UGT1A5: variants seen among roughly 807,000 people sequenced by gnomAD.
The protein encoded by UGT1A5 is UDP-glucuronosyltransferase 1A5.
UGT1A5 carries 29 observed loss-of-function variants against 40.3 expected under a neutral mutation model. The ratio of observed to expected loss-of-function variants is 0.72; its 90% confidence interval spans 0.54 to 0.98. The LOEUF is 0.98. UGT1A5 is among the 50% of genes least tolerant of loss of function. The pLI, the probability that UGT1A5 is intolerant of heterozygous loss-of-function variation, is 0.00. For missense variants in UGT1A5, 678 were observed against 677.9 expected (o/e 1.00, Z 0.00); for synonymous variants, 257 against 262.5 (o/e 0.98, Z 0.20).
chr2:233,714,402 T>C (rs1318468382), intron 1 of UGT1A5, among the ~76,000 whole-genome samples: 1 of 152,160 alleles, frequency 6.6e-6, no homozygotes, highest in Non-Finnish European at 1.5e-5. Context: ...GTAGGTGCAA[T>C]GGATGTCTGT....
At chr2:233,731,107 A>T (rs1222432137) in intron 1 of UGT1A5, among the ~76,000 whole-genome samples, 4 of 151,962 alleles carry the variant, frequency 2.6e-5, no homozygotes, top group Admixed American at 2.6e-4. Flanking sequence ...CTTTTTTATA[A>T]ATGTAGGTAT....
At chr2:233,723,516 C>CTTTTTTTTTTTTTTTTTTTTTATTTTT (rs1162916866) in intron 1 of UGT1A5, among the ~76,000 whole-genome samples, 1 of 85,406 alleles carries the variant, frequency 1.2e-5, no homozygotes, top group Non-Finnish European at 2.3e-5. Flanking sequence ...GGTCAACAAT[C>CTTTTTTTTTTTTTTTTTTTTTATTTTT]TTTTTTTTTT....
At chr2:233,767,212 G>T (rs377453564) in intron 2 of UGT1A5, 47 bp downstream of exon 2, 3 of 1,612,180 alleles carry the variant, frequency 1.9e-6, no homozygotes, top group Admixed American at 3.3e-5. Flanking sequence ...TCACAGGAGC[G>T]CTAATCCCAG....
rs28900381 is a variant in UGT1A5 at position 233,747,569 on chromosome 2, T to A, written c.868-19465T>A. The A allele has an allele frequency of 1.9e-3, 2,961 of 1,591,598 alleles. 126 individuals are homozygous for A. The African/African-American group carries it at 0.036, about 19-fold the overall frequency. Reference sequence around the variant, plus strand: ...CTAAAAGTATGGCAATTTTGAAAAATTCATCTTTGGTCTTTCATAGGTCTT... The same window carrying A: ...CTAAAAGTATGGCAATTTTGAAAAAATCATCTTTGGTCTTTCATAGGTCTT... On this transcript the variant is annotated intron_variant, in intron 1 of 4. Transcript: ENST00000373414.
intron 1 of UGT1A5, among the ~76,000 whole-genome samples, chr2:233,762,315 G>C (rs565893517): frequency 6.6e-6 from 1 of 152,216 alleles, no homozygotes; most frequent in Non-Finnish European, 1.5e-5. Context: ...TTAATGGGTC[G>C]AGAGTAATCC....
intron 1 of UGT1A5, chr2:233,753,459 T>G (rs1411436879): frequency 6.6e-6 from 1 of 152,232 alleles, no homozygotes; most frequent in Non-Finnish European, 1.5e-5. Context: ...CCATGATTTT[T>G]CTGTAAAAAA....
At chr2:233,719,480 G>C in intron 1 of UGT1A5, 2 of 1,613,982 alleles carry the variant, frequency 1.2e-6, no homozygotes, top group South Asian at 1.1e-5. Context: ...CTCTGGCCCT[G>C]TCCTACATTT....
chr2:233,743,980 GGC>G, intron 1 of UGT1A5: 1 of 1,302,864 alleles, frequency 7.7e-7, no homozygotes, highest in South Asian at 1.3e-5. Context: ...CCAGCACCCA[GGC>G]GCAGGCCCGA....
At chr2:233,736,476 GGTTT>G (rs1395913354) in intron 1 of UGT1A5, among the ~76,000 whole-genome samples, 2 of 152,080 alleles carry the variant, frequency 1.3e-5, no homozygotes, top group African/African-American at 2.4e-5. Flanking sequence ...AGCTTGGAGA[GGTTT>G]GTTACTACCA....
chr2:233,719,552 A>G (rs2076779891), intron 1 of UGT1A5: 8 of 1,613,748 alleles, frequency 5.0e-6, no homozygotes, highest in South Asian at 4.4e-5. Context: ...GAGAGGTGTC[A>G]GTGGTGGATC....
intron 1 of UGT1A5, among the ~76,000 whole-genome samples, chr2:233,733,430 A>G (rs1256868743): frequency 6.6e-6 from 1 of 152,170 alleles, no homozygotes; most frequent in Non-Finnish European, 1.5e-5. Context: ...ACTCAGTATG[A>G]TATTGGCTGC....
intron 1 of UGT1A5, chr2:233,747,152 G>A (rs1023956856): frequency 1.3e-6 from 2 of 1,577,494 alleles, no homozygotes; most frequent in African/African-American, 1.4e-5. Context: ...TTAAGATGAA[G>A]AAAACAAATG....
rs1030911458 is a variant in UGT1A5 at position 233,746,492 on chromosome 2, A to G, written c.868-20542A>G. Among the ~76,000 whole-genome samples, 6 of 151,536 alleles carry G rather than the reference A, an allele frequency of 4.0e-5. 1 individual carries two copies. Among genetic ancestry groups the G allele is most frequent in the African/African-American group, 1.5e-4 (6 of 40,956 alleles). ...CAGAAACACTTTCCATGGACATGTC[A>G]CTCTTTAGTAGCCCCCAAAGCAAGA... On this transcript the variant is annotated intron_variant, in intron 1 of 4. Coordinates refer to ENST00000373414, the MANE Select transcript of UGT1A5 (RefSeq NM_019078.2).
intron 1 of UGT1A5, chr2:233,743,046 AG>A: frequency 3.1e-6 from 1 of 319,454 alleles, no homozygotes; most frequent in Non-Finnish European, 6.1e-6. Context: ...CTATCCGTGT[AG>A]TCCCAACGAT....
At chr2:233,751,385 T>C (rs1694712496) in intron 1 of UGT1A5, among the ~76,000 whole-genome samples, 1 of 152,160 alleles carries the variant, frequency 6.6e-6, no homozygotes, top group African/African-American at 2.4e-5. Flanking sequence ...TTGCCTTGTC[T>C]CAGATAAGAC....
intron 1 of UGT1A5, chr2:233,755,091 T>A (rs747522597): frequency 1.5e-6 from 2 of 1,335,830 alleles, no homozygotes; most frequent in African/African-American, 3.0e-5. Context: ...ATCGCGTTTC[T>A]ACGCGTCCGA....
intron 1 of UGT1A5, among the ~76,000 whole-genome samples, chr2:233,737,265 G>A (rs1426808830): frequency 2.0e-5 from 3 of 152,296 alleles, no homozygotes; most frequent in East Asian, 3.9e-4. Context: ...CAGCAATGGC[G>A]GACACCCCTC....
chr2:233,718,206 A>G (rs2076639906), intron 1 of UGT1A5, among the ~76,000 whole-genome samples: 1 of 152,138 alleles, frequency 6.6e-6, no homozygotes, highest in Non-Finnish European at 1.5e-5. Context: ...GCTTTTTTTT[A>G]TATTGACAGC....
chr2:233,718,509 G>A (rs776286738), intron 1 of UGT1A5, among the ~76,000 whole-genome samples: 2 of 152,224 alleles, frequency 1.3e-5, no homozygotes, highest in Non-Finnish European at 2.9e-5. Flanking sequence ...GCAGTGACAT[G>A]AAATGGGTGT....
Sources: gnomAD v4.1 joint callset for allele counts (sites outside exome capture counted in the v4.1 genomes callset) on GRCh38, gnomAD v4.1.1 for gene constraint, MANE v1.5 for transcripts, NCBI Gene and HGNC (gene_info 2026-07-23, HGNC 2026-07-21) for gene names.